MAD1L1: variants seen among roughly 807,000 people sequenced by gnomAD.
MAD1L1 encodes mitotic arrest deficient 1 like 1.
In MAD1L1, 95 loss-of-function variants were observed where a neutral mutation model predicts 96.9. The observed-to-expected ratio is 0.98, with a 90% confidence interval of 0.83 to 1.16. The LOEUF (loss-of-function observed/expected upper bound fraction) is 1.16. Ranked by LOEUF, MAD1L1 falls within the 50% of genes most tolerant of loss-of-function variation. The pLI is 0.00. For synonymous variants in MAD1L1, 473 were observed against 396.6 expected, an observed-to-expected ratio of 1.19 and a Z score of -2.29; for missense variants, 1,007 against 954.4, an observed-to-expected ratio of 1.06 and a Z score of -0.73.
chr7:2,189,989 G>C (rs192275839), intron 10 of MAD1L1, among the ~76,000 whole-genome samples: 1 of 152,134 alleles, frequency 6.6e-6, no homozygotes, highest in Admixed American at 6.5e-5. Context: ...GGAGGTCCCA[G>C]TGAGTGCACT....
intron 11 of MAD1L1, among the ~76,000 whole-genome samples, chr7:2,104,001 G>GTT (rs1281700886): frequency 1.3e-5 from 2 of 152,248 alleles, no homozygotes; most frequent in African/African-American, 4.8e-5. Flanking sequence ...TTCAATGAAG[G>GTT]TAAGGAGTGT....
rs1332311577 is a variant in MAD1L1 at position 2,002,080 on chromosome 7, T to C, written c.1401A>G (p.Lys467=). The C allele has an allele frequency of 2.5e-6, 4 of 1,613,270 alleles. No homozygotes were observed. The highest frequency in any genetic ancestry group is 1.1e-5 in the South Asian group (1 of 91,090). The change falls in exon 14 of 19, where the codon AAA becomes AAG. Residue 467 remains lysine, a synonymous_variant. Transcript: ENST00000265854. ...SQALEELGGQ[K]QRADMLEMEL... ...TCTGACTCACCATGTCTGCTCTTTGTTTCTGGCCTCCCAGCTCCTCCAGGG... is the reference window on the plus strand; with the variant it reads ...TCTGACTCACCATGTCTGCTCTTTGCTTCTGGCCTCCCAGCTCCTCCAGGG...
intron 18 of MAD1L1, among the ~76,000 whole-genome samples, chr7:1,827,502 G>A (rs1583484836): frequency 3.5e-5 from 5 of 141,906 alleles, no homozygotes; most frequent in South Asian, 2.3e-4. Flanking sequence ...AGCCCGTCCC[G>A]GGTGTGGGGT....
intron 16 of MAD1L1, among the ~76,000 whole-genome samples, chr7:1,945,330 G>A (rs1779179858): frequency 6.6e-6 from 1 of 152,270 alleles, no homozygotes; most frequent in African/African-American, 2.4e-5. Flanking sequence ...CAGGCTCCAT[G>A]TGGAAGATGT....
At chr7:2,143,150 G>A (rs559611606) in intron 11 of MAD1L1, among the ~76,000 whole-genome samples, 32 of 152,100 alleles carry the variant, frequency 2.1e-4, no homozygotes, top group Non-Finnish European at 3.2e-4. Context: ...CCATAGAGGC[G>A]ACTGCACTGA....
At chr7:1,942,007 C>G (rs563532014) in intron 16 of MAD1L1, among the ~76,000 whole-genome samples, 1 of 152,214 alleles carries the variant, frequency 6.6e-6, no homozygotes, top group East Asian at 1.9e-4. Context: ...AGACTGGGCA[C>G]CACCCACCCG....
In MAD1L1 at chr7:1,936,778, G is replaced by A. The variant is rs571940655; in HGVS notation, c.1716C>T (p.Arg572=). Residue 572 remains arginine, a synonymous_variant, in exon 17 of 19, where the codon CGC becomes CGT. Coordinates refer to ENST00000265854, the MANE Select transcript of MAD1L1 (RefSeq NM_001013836.2). ...CTCTCTCCATGGCGCGCAGGAGCCC[G>A]CGCAGTCGCTCGCACTCCGCCTGCA... is the stretch of plus-strand genomic sequence containing the variant. ...SQLQAECERL[R]GLLRAMERGG... 280 of 1,577,690 alleles carry A rather than the reference G, an allele frequency of 1.8e-4. 1 individual carries two copies. The South Asian group carries it at 2.5e-3, about 14-fold the overall frequency.
At chr7:1,994,900 G>C (rs150808170) in intron 14 of MAD1L1, among the ~76,000 whole-genome samples, 8 of 152,110 alleles carry the variant, frequency 5.3e-5, no homozygotes, top group African/African-American at 1.7e-4. Flanking sequence ...GGCCAGTCTC[G>C]AACTCCTGGG....
At chr7:1,864,273 C>T (rs894275849) in intron 18 of MAD1L1, among the ~76,000 whole-genome samples, 2 of 152,110 alleles carry the variant, frequency 1.3e-5, no homozygotes, top group Non-Finnish European at 2.9e-5. Flanking sequence ...GGAGGGGAGG[C>T]GGCTGCAGGG....
chr7:1,882,595 A>G (rs1785753137), intron 18 of MAD1L1, among the ~76,000 whole-genome samples: 1 of 152,182 alleles, frequency 6.6e-6, no homozygotes, highest in Non-Finnish European at 1.5e-5. Flanking sequence ...CCGTGGCCAC[A>G]GGGTCCTGCT....
At chr7:2,210,239 A>G (rs1272722758) in intron 10 of MAD1L1, among the ~76,000 whole-genome samples, 1 of 152,036 alleles carries the variant, frequency 6.6e-6, no homozygotes, top group South Asian at 2.1e-4. Flanking sequence ...AGCACCGCTA[A>G]TTTTTGTTTT....
intron 13 of MAD1L1, among the ~76,000 whole-genome samples, chr7:2,007,975 A>C (rs1782111488): frequency 6.6e-6 from 1 of 152,260 alleles, no homozygotes; most frequent in Non-Finnish European, 1.5e-5. Context: ...CAGCAACTGC[A>C]GGACTCTGTT....
At chr7:2,030,438 A>T (rs1783172471) in intron 12 of MAD1L1, among the ~76,000 whole-genome samples, 2 of 152,250 alleles carry the variant, frequency 1.3e-5, no homozygotes, top group Admixed American at 1.3e-4. Context: ...AAGTGTCACC[A>T]AATGCATTTC....
rs188367211 is a variant in MAD1L1, at chr7:1,911,527, C to T, written c.1808-13137G>A. 2.1e-4 allele frequency among the ~76,000 whole-genome samples: 31 copies of T among 150,774 alleles called. No homozygotes were observed. The South Asian group carries it at 5.8e-3, about 28-fold the overall frequency. On this transcript the variant is annotated intron_variant, in intron 17 of 18. Coordinates refer to ENST00000265854, the MANE Select transcript of MAD1L1 (RefSeq NM_001013836.2). Reference sequence around the variant, plus strand: ...CCAGACACCCCAGGCACACTCAGAACGCATGGTGCTCATTTCTGCTGCCAC... The same window carrying T: ...CCAGACACCCCAGGCACACTCAGAATGCATGGTGCTCATTTCTGCTGCCAC...
At position 2,014,588 on chromosome 7, in the gene MAD1L1, C is replaced by T; in HGVS notation, c.1273G>A (p.Ala425Thr). The T allele has an allele frequency of 1.2e-5, 20 of 1,612,382 alleles. No homozygotes were observed. Among genetic ancestry groups the T allele is most frequent in the Non-Finnish European group, 1.6e-5 (19 of 1,179,774 alleles). Reference sequence around the variant, plus strand: ...CGCGTCAGCTGGGGTGAGTACTCGGCCGGGGTCAGCTCGCTGTCGTAGGAC... The same window carrying T: ...CGCGTCAGCTGGGGTGAGTACTCGGTCGGGGTCAGCTCGCTGTCGTAGGAC... ...LGSYDSELTPAEYSPQLTRRM... is the reference protein window; with the variant it reads ...LGSYDSELTPTEYSPQLTRRM... The change falls in exon 13 of 19, where the codon GCC becomes ACC. Residue 425 changes from alanine (A) to threonine (T), a missense_variant. Physicochemically the swap from Ala to Thr is moderately conservative, Grantham distance 58 (BLOSUM62 0). Coordinates refer to ENST00000265854, the MANE Select transcript of MAD1L1 (RefSeq NM_001013836.2).
chr7:1,861,235 G>T (rs1784530231), intron 18 of MAD1L1, among the ~76,000 whole-genome samples: 1 of 152,204 alleles, frequency 6.6e-6, no homozygotes, highest in Admixed American at 6.5e-5. Context: ...GCAGGTGCTG[G>T]GTCCGGTGGG....
chr7:2,075,581 G>A (rs939440588), intron 11 of MAD1L1, among the ~76,000 whole-genome samples: 3 of 152,202 alleles, frequency 2.0e-5, no homozygotes, highest in Admixed American at 6.5e-5. Flanking sequence ...GGAGAAGCCA[G>A]GCATGTTTAT....
intron 13 of MAD1L1, among the ~76,000 whole-genome samples, chr7:2,004,707 G>A (rs558323767): frequency 2.0e-4 from 31 of 152,360 alleles, no homozygotes; most frequent in African/African-American, 6.7e-4. Context: ...GGCATTTTCC[G>A]AAGGCTTCAT....
intron 14 of MAD1L1, among the ~76,000 whole-genome samples, chr7:1,997,011 G>A (rs1424698770): frequency 1.3e-5 from 2 of 152,130 alleles, no homozygotes; most frequent in African/African-American, 2.4e-5. Context: ...GCTAATTAGG[G>A]GGGTTCGCTA....
Sources: gnomAD v4.1 joint callset for allele counts (sites outside exome capture counted in the v4.1 genomes callset) on GRCh38, gnomAD v4.1.1 for gene constraint, MANE v1.5 for transcripts, NCBI Gene and HGNC (gene_info 2026-07-23, HGNC 2026-07-21) for gene names.